CPT1A: variants seen among roughly 807,000 people sequenced by gnomAD.
CPT1A encodes the protein carnitine palmitoyltransferase 1A, also known as carnitine O-palmitoyltransferase 1, liver isoform.
CPT1A carries 64 observed loss-of-function variants against 100.8 expected under a neutral mutation model. That is an observed-to-expected ratio of 0.63 (90% confidence interval 0.52 to 0.78). CPT1A has a LOEUF of 0.78. Among genes scored for constraint, CPT1A ranks in the 30% least tolerant of loss-of-function variants. The probability of loss-of-function intolerance (pLI) is 0.00; values close to 1 mark genes in which losing one functional copy is unlikely to be tolerated. For missense variants in CPT1A, 802 were observed against 1,034.1 expected (o/e 0.78, Z 3.08); for synonymous variants, 363 against 396.0 (o/e 0.92, Z 0.99).
At position 68,784,272 on chromosome 11, in the gene CPT1A, C is replaced by G. The variant is rs556486795; in HGVS notation, c.1163+543G>C. ...TATGCCCACAGCCCCGTAAGAAAGG[C>G]TAATCCTGGCCAGGCATATGGTTCA... On this transcript the variant is annotated intron_variant, in intron 10 of 18. Transcript: ENST00000265641. Among the ~76,000 whole-genome samples, 14 of 152,334 alleles carry G rather than the reference C, an allele frequency of 9.2e-5. No individual in the cohort carries two copies. In the South Asian group the frequency reaches 2.9e-3, roughly 32 times the overall value.
Position 68,786,045 on chromosome 11 carries a change from A to G in CPT1A, c.968-1035T>C, listed in dbSNP as rs968575604. On this transcript the variant is annotated intron_variant, in intron 9 of 18. Coordinates refer to ENST00000265641, the MANE Select transcript of CPT1A (RefSeq NM_001876.4). Reference sequence around the variant, plus strand: ...GATCAAGGCAGATCGTCTAGTGAGGAAGACAAATAAATGCATGATTAAAAA... The same window carrying G: ...GATCAAGGCAGATCGTCTAGTGAGGGAGACAAATAAATGCATGATTAAAAA... 13 of 702,190 alleles carry G rather than the reference A, an allele frequency of 1.9e-5. No homozygotes were observed. In the Admixed American group the frequency reaches 2.2e-4, roughly 12 times the overall value. 43.5% of individuals were successfully genotyped at this position (702,190 alleles called of 1,614,324 possible). A position where few individuals can be genotyped will look rare whatever the true frequency, so the allele number is the denominator to read the frequency against.
At chr11:68,766,731 AT>A (rs1854815140) in intron 14 of CPT1A, among the ~76,000 whole-genome samples, 1 of 151,438 alleles carries the variant, frequency 6.6e-6, no homozygotes, top group Non-Finnish European at 1.5e-5. Flanking sequence ...CAGGTGATCC[AT>A]CCGCCTCGGC....
intron 1 of CPT1A, among the ~76,000 whole-genome samples, chr11:68,818,032 G>A (rs1166008154): frequency 1.3e-5 from 2 of 152,120 alleles, no homozygotes; most frequent in Admixed American, 6.6e-5. Flanking sequence ...AGGGGAACCT[G>A]CCACTGTTTC....
rs151236649 is a variant in CPT1A at position 68,814,751 on chromosome 11, A to G, written c.141+583T>C. ...GCCCAGGCTGGAGTGTGGTGGCTCA[A>G]TCATGGCTCACTGCAGTCTCTGCCT... On this transcript the variant is annotated intron_variant, in intron 2 of 18. Coordinates refer to ENST00000265641, the MANE Select transcript of CPT1A (RefSeq NM_001876.4). Among the ~76,000 whole-genome samples the G allele has an allele frequency of 4.8e-3, 737 of 152,202 alleles. 8 individuals are homozygous for G. Among genetic ancestry groups the G allele is most frequent in the African/African-American group, 0.016 (673 of 41,528 alleles).
chr11:68,773,331 G>T lies in CPT1A; in HGVS notation c.1674C>A (p.Ile558=), dbSNP rs534666375. Residue 558 remains isoleucine (I), a synonymous_variant, in exon 14 of 19, where the codon ATC becomes ATA. Transcript: ENST00000265641. ...SFPFVAFGKG[I]IKKCRTSPDA... ...CTGGGCTCGTGCGACATTTCTTGAT[G>T]ATTCCTTTACCAAAGGCTACGAATG... 1 of 1,614,198 alleles carries T rather than the reference G, an allele frequency of 6.2e-7. No individual in the cohort carries two copies. Among genetic ancestry groups the T allele is most frequent in the African/African-American group, 1.3e-5 (1 of 75,048 alleles).
At chr11:68,776,183 G>C (rs1855134511) in intron 12 of CPT1A, among the ~76,000 whole-genome samples, 1 of 151,982 alleles carries the variant, frequency 6.6e-6, no homozygotes, top group Non-Finnish European at 1.5e-5. Flanking sequence ...AGGATTGCTG[G>C]AGGCCAGGAG....
At chr11:68,792,625 G>A (rs1035994138) in intron 9 of CPT1A, among the ~76,000 whole-genome samples, 1 of 152,228 alleles carries the variant, frequency 6.6e-6, no homozygotes, top group Non-Finnish European at 1.5e-5. Context: ...TGGCCACCCT[G>A]CCCAGGTCAG....
chr11:68,787,879 G>A (rs1034583916), intron 9 of CPT1A, among the ~76,000 whole-genome samples: 1 of 151,392 alleles, frequency 6.6e-6, no homozygotes, highest in Non-Finnish European at 1.5e-5. Flanking sequence ...AGGAGGTGGA[G>A]GTTGCAGTGA....
intron 17 of CPT1A, 150 bp from the exon 18 acceptor site, chr11:68,759,811 T>G: frequency 2.8e-6 from 2 of 706,562 alleles, no homozygotes; most frequent in Non-Finnish European, 5.2e-6. Flanking sequence ...GCGGGTCACT[T>G]GAGCCCAGGG....
At chr11:68,796,342 A>C (rs1392759997) in intron 7 of CPT1A, among the ~76,000 whole-genome samples, 1 of 152,106 alleles carries the variant, frequency 6.6e-6, no homozygotes, top group African/African-American at 2.4e-5. Context: ...GGATCACCTG[A>C]GGTCAGGAGT....
chr11:68,807,723 G>T, intron 3 of CPT1A, 85 bp from the exon 4 acceptor site: 1 of 1,348,410 alleles, frequency 7.4e-7, no homozygotes, highest in Non-Finnish European at 1.0e-6. Context: ...CAGACACCAC[G>T]TGCTGCAGGG....
chr11:68,778,540 A>G (rs1206431891), intron 12 of CPT1A, among the ~76,000 whole-genome samples: 1 of 151,968 alleles, frequency 6.6e-6, no homozygotes, highest in East Asian at 2.0e-4. Flanking sequence ...TTATATATAT[A>G]TAAAAATTAT....
intron 12 of CPT1A, among the ~76,000 whole-genome samples, chr11:68,776,354 G>A (rs1855139070): frequency 6.6e-6 from 1 of 152,184 alleles, no homozygotes; most frequent in South Asian, 2.1e-4. Context: ...AGTCATGACT[G>A]TGCCACTGCA....
intron 1 of CPT1A, among the ~76,000 whole-genome samples, chr11:68,831,207 C>T (rs996858503): frequency 6.6e-6 from 1 of 152,152 alleles, no homozygotes; most frequent in African/African-American, 2.4e-5. Context: ...TGAATCCTAA[C>T]ACTGGCCATG....
chr11:68,831,637 CTTT>C (rs11372679), intron 1 of CPT1A, among the ~76,000 whole-genome samples: 1 of 142,886 alleles, frequency 7.0e-6, no homozygotes, highest in Admixed American at 7.0e-5. Flanking sequence ...CAGCACATTC[CTTT>C]TTTTTTTTTT....
intron 12 of CPT1A, among the ~76,000 whole-genome samples, 197 bp downstream of exon 12, chr11:68,780,443 C>A (rs571267723): frequency 6.6e-6 from 1 of 152,208 alleles, no homozygotes; most frequent in East Asian, 1.9e-4. Flanking sequence ...ACCACCATGC[C>A]CGGCTAATTT....
intron 2 of CPT1A, among the ~76,000 whole-genome samples, chr11:68,815,087 C>T (rs1188472057): frequency 6.6e-6 from 1 of 152,134 alleles, no homozygotes; most frequent in East Asian, 1.9e-4. Context: ...GGTCGCTGGC[C>T]CTTTAAGCCT....
intron 16 of CPT1A, among the ~76,000 whole-genome samples, chr11:68,760,790 A>G (rs1946792315): frequency 6.6e-6 from 1 of 152,186 alleles, no homozygotes; most frequent in Non-Finnish European, 1.5e-5. Context: ...ACGCGGGTGG[A>G]TTGCCTGAGC....
intron 1 of CPT1A, among the ~76,000 whole-genome samples, chr11:68,816,110 CA>C (rs1856381666): frequency 6.6e-6 from 1 of 152,226 alleles, no homozygotes; most frequent in Admixed American, 6.5e-5. Flanking sequence ...AGACAAATCT[CA>C]ATCTTGCAGC....
Sources: allele counts gnomAD v4.1 joint callset (sites outside exome capture counted in the v4.1 genomes callset), GRCh38; gene constraint gnomAD v4.1.1; transcripts MANE v1.5; gene names NCBI Gene and HGNC (gene_info 2026-07-23, HGNC 2026-07-21).